Variants in UBLCP1 observed in about 807,000 individuals in gnomAD.
UBLCP1 encodes ubiquitin-like domain-containing CTD phosphatase 1.
Under a neutral mutation model 42.4 loss-of-function variants are expected in UBLCP1, and 28 were observed. The ratio of observed to expected loss-of-function variants is 0.66; its 90% CI spans 0.49 to 0.90. The LOEUF is 0.90. Ranked by LOEUF, UBLCP1 falls within the 40% of genes least tolerant of loss-of-function variation. UBLCP1 has a pLI of 0.00. For synonymous variants in UBLCP1, 122 were observed against 120.8 expected, an observed-to-expected ratio of 1.01 and a Z score of -0.07; for missense variants, 279 against 374.5, an observed-to-expected ratio of 0.75 and a Z score of 2.10.
chr5:159,278,463 TATGTC>T (rs1430136366), intron 9 of UBLCP1, 109 bp downstream of exon 9: 31 of 800,046 alleles, frequency 3.9e-5, no homozygotes, highest in Admixed American at 2.5e-4. Flanking sequence ...ACTGTATTCT[TATGTC>T]ATAGGCGAGA....
At chr5:159,276,021 A>C (rs1478613011) in intron 8 of UBLCP1, among the ~76,000 whole-genome samples, 1 of 152,252 alleles carries the variant, frequency 6.6e-6, no homozygotes. Flanking sequence ...TATTTTACTC[A>C]TCAAGTAACT....
intron 9 of UBLCP1, among the ~76,000 whole-genome samples, chr5:159,280,493 A>G (rs1753594778): frequency 6.6e-6 from 1 of 152,118 alleles, no homozygotes; most frequent in African/African-American, 2.4e-5. Context: ...GGTAGAGACA[A>G]GGTTTCGCCA....
Position 159,268,970 on chromosome 5 carries a change from C to A in UBLCP1, c.55C>A (p.Leu19Ile), listed in dbSNP as rs1482778725. 3 of 1,611,880 alleles carry A rather than the reference C, an allele frequency of 1.9e-6. No homozygotes were observed. Among genetic ancestry groups the A allele is most frequent in the Non-Finnish European group, 2.5e-6 (3 of 1,179,154 alleles). ...TGGACAGGAGTATTCAGTGACCACA[C>A]TTTCAGAAGATGATACTGTGCTCGA... ...WGGQEYSVTT[L>I]SEDDTVLDLK... is the part of the protein sequence containing the mutation. Residue 19 changes from leucine to isoleucine, a missense_variant, in exon 2 of 11, where the codon CTT becomes ATT. Leu to Ile is a conservative substitution (Grantham distance 5). Coordinates refer to ENST00000296786, the MANE Select transcript of UBLCP1 (RefSeq NM_145049.5).
chr5:159,274,441 G>T (rs752888841), intron 6 of UBLCP1, 144 bp from the exon 7 acceptor site: 35 of 570,124 alleles, frequency 6.1e-5, no homozygotes, highest in Non-Finnish European at 9.1e-5. Context: ...ATATTTAAAA[G>T]AAAATTACCA....
Position 159,284,894 on chromosome 5 carries a change from T to C in UBLCP1, c.930-10T>C. Reference sequence around the variant, plus strand: ...ATACAGCTTTGACATCTTTATTTTATTTCTTGCAGATATCTCTCAAAGAAG... The same window carrying C: ...ATACAGCTTTGACATCTTTATTTTACTTCTTGCAGATATCTCTCAAAGAAG... On this transcript the variant is annotated splice_polypyrimidine_tract_variant and intron_variant, in intron 10 of 10. Transcript: ENST00000296786. 6.2e-7 allele frequency: 1 copy of C among 1,612,874 alleles called. No individual in the cohort carries two copies. Among genetic ancestry groups the C allele is most frequent in the Non-Finnish European group, 8.5e-7 (1 of 1,179,310 alleles).
intron 9 of UBLCP1, among the ~76,000 whole-genome samples, chr5:159,278,606 T>C (rs1479871969): frequency 6.6e-6 from 1 of 152,192 alleles, no homozygotes; most frequent in East Asian, 1.9e-4. Flanking sequence ...GGGATCTCAC[T>C]CTGTCGCCCA....
At chr5:159,268,546 G>A (rs59582451) in intron 1 of UBLCP1, among the ~76,000 whole-genome samples, 51 of 152,290 alleles carry the variant, frequency 3.3e-4, no homozygotes, top group African/African-American at 1.2e-3. Flanking sequence ...AACATGGATG[G>A]TCTGTCAGGG....
chr5:159,270,691 CTT>C, intron 5 of UBLCP1, 48 bp downstream of exon 5: 2 of 1,164,228 alleles, frequency 1.7e-6, no homozygotes, highest in East Asian at 2.7e-5. Context: ...CACAACAACT[CTT>C]TTTTTCTTTT....
At chr5:159,268,271 C>G (rs558889233) in intron 1 of UBLCP1, among the ~76,000 whole-genome samples, 1 of 152,314 alleles carries the variant, frequency 6.6e-6, no homozygotes, top group Admixed American at 6.5e-5. Context: ...TTTTGTTTAA[C>G]CAATACTTAA....
At chr5:159,284,323 G>A (rs1225781619) in intron 10 of UBLCP1, among the ~76,000 whole-genome samples, 1 of 152,142 alleles carries the variant, frequency 6.6e-6, no homozygotes, top group East Asian at 1.9e-4. Context: ...ATAGTAGTTT[G>A]TAAATGTTAG....
chr5:159,270,124 G>T, intron 3 of UBLCP1, 125 bp downstream of exon 3: 3 of 820,248 alleles, frequency 3.7e-6, no homozygotes, highest in Non-Finnish European at 5.6e-6. Flanking sequence ...AATAAAACCC[G>T]CACCGTGAAT....
In UBLCP1 at chr5:159,269,904, G is replaced by A. The variant is rs747055469; in HGVS notation, c.155-4G>A. ...GAGAAAACAGTCATTTGCTTGTATT[G>A]TAGGCAAACCTGCAGAAAATGATGT... On this transcript the variant is annotated splice_region_variant and splice_polypyrimidine_tract_variant and intron_variant, in intron 2 of 10. Coordinates refer to ENST00000296786, the MANE Select transcript of UBLCP1 (RefSeq NM_145049.5). The A allele has an allele frequency of 3.9e-5, 63 of 1,611,168 alleles. No homozygotes were observed. Among genetic ancestry groups the A allele is most frequent in the Admixed American group, 1.0e-4 (6 of 59,686 alleles).
chr5:159,270,260 CT>C, intron 3 of UBLCP1, 99 bp from the exon 4 acceptor site: 1 of 1,038,266 alleles, frequency 9.6e-7, no homozygotes. Context: ...TTAAAAGACT[CT>C]GGAACTCAAA....
rs763256428 is a variant in UBLCP1, at chr5:159,274,567, T to C, written c.548-18T>C. The C allele has an allele frequency of 1.2e-6, 2 of 1,608,296 alleles. No homozygotes were observed. Among genetic ancestry groups the C allele is most frequent in the Admixed American group, 1.7e-5 (1 of 59,332 alleles). On this transcript the variant is annotated intron_variant, in intron 6 of 10. Transcript: ENST00000296786. ...CAAGCTTTTCATATGTATTGTATTA[T>C]CATTCCTCGTGTTTTAGCTGCAACA...
chr5:159,270,500 T>C, intron 4 of UBLCP1, 28 bp from the exon 5 acceptor site: 1 of 1,605,614 alleles, frequency 6.2e-7, no homozygotes, highest in Non-Finnish European at 8.5e-7. Context: ...CAAGTGAATA[T>C]TTTATCTAAT....
chr5:159,271,189 C>T (rs1029324808), intron 5 of UBLCP1, among the ~76,000 whole-genome samples: 9 of 152,028 alleles, frequency 5.9e-5, no homozygotes, highest in Non-Finnish European at 1.0e-4. Context: ...AGGCCAGGTG[C>T]AGTGGCTCAC....
At chr5:159,269,487 T>C (rs1225665491) in intron 2 of UBLCP1, among the ~76,000 whole-genome samples, 1 of 152,352 alleles carries the variant, frequency 6.6e-6, no homozygotes, top group Non-Finnish European at 1.5e-5. Context: ...AGCATTCATA[T>C]CCAGTTTAAA....
chr5:159,266,228 G>A (rs982712946), intron 1 of UBLCP1, among the ~76,000 whole-genome samples: 48 of 152,210 alleles, frequency 3.2e-4, no homozygotes, highest in Non-Finnish European at 4.4e-5. Context: ...ATAAGGTCCA[G>A]GCTGAGGTGG....
chr5:159,278,677 AT>A (rs1209521895), intron 9 of UBLCP1, among the ~76,000 whole-genome samples: 2 of 151,984 alleles, frequency 1.3e-5, no homozygotes, highest in Non-Finnish European at 2.9e-5. Flanking sequence ...GGTTCAAGTG[AT>A]TCTCCTGCCT....
Sources: gnomAD v4.1 joint callset for allele counts (sites outside exome capture counted in the v4.1 genomes callset) on GRCh38, gnomAD v4.1.1 for gene constraint, MANE v1.5 for transcripts, NCBI Gene and HGNC (gene_info 2026-07-23, HGNC 2026-07-21) for gene names.